TUSC3: variants seen among roughly 807,000 people sequenced by gnomAD.
TUSC3 encodes dolichyl-diphosphooligosaccharide--protein glycosyltransferase subunit TUSC3.
TUSC3 carries 45 observed loss-of-function variants against 44.8 expected under a neutral mutation model. The ratio of observed to expected loss-of-function variants is 1.00; its 90% confidence interval spans 0.79 to 1.29. The LOEUF (loss-of-function observed/expected upper bound fraction) is 1.29. TUSC3 is among the 50% of genes most tolerant of loss of function. The pLI is 0.00. For synonymous variants in TUSC3, 212 were observed against 152.9 expected (o/e 1.39, Z -2.85); for missense variants, 519 against 437.9 (o/e 1.19, Z -1.65).
At position 15,665,003 on chromosome 8, in the gene TUSC3, T is replaced by G. The variant is rs1356493273; in HGVS notation, c.708+2707T>G. ...ATTTTTCGTATCCTACTTTTGAGAT[T>G]TCCTTAGAAAGTTAAGAGACTGTCC... On this transcript the variant is annotated intron_variant, in intron 5 of 10. Coordinates refer to ENST00000503731, the MANE Select transcript of TUSC3 (RefSeq NM_006765.4). 3.3e-5 allele frequency among the ~76,000 whole-genome samples: 5 copies of G among 151,652 alleles called. No individual in the cohort carries two copies. The East Asian group carries it at 9.7e-4, about 29-fold the overall frequency.
chr8:15,475,320 G>A (rs1202435404), intron 1 of TUSC3, among the ~76,000 whole-genome samples: 1 of 152,036 alleles, frequency 6.6e-6, no homozygotes, highest in Non-Finnish European at 1.5e-5. Flanking sequence ...CCTGTCTCAG[G>A]GATAGTGTTA....
At chr8:15,428,267 G>C (rs936614861) in intron 1 of TUSC3, among the ~76,000 whole-genome samples, 22 of 151,640 alleles carry the variant, frequency 1.5e-4, no homozygotes, top group Non-Finnish European at 4.4e-5. Flanking sequence ...ATGGGTTCCA[G>C]CTTCATCGAT....
At chr8:15,650,612 T>G in intron 2 of TUSC3, 85 bp from the exon 3 acceptor site, 1 of 1,161,814 alleles carries the variant, frequency 8.6e-7, no homozygotes. Context: ...GGCCAGTGCT[T>G]GTCCTAGGGT....
the TUSC3 span, among the ~76,000 whole-genome samples, chr8:15,772,764 C>G: frequency 6.6e-6 from 1 of 152,126 alleles, no homozygotes; most frequent in South Asian, 2.1e-4. Context: ...AAAATACTAG[C>G]AAACAATCCA....
chr8:15,597,037 G>T (rs1205346639), intron 1 of TUSC3, among the ~76,000 whole-genome samples: 4 of 152,112 alleles, frequency 2.6e-5, no homozygotes, highest in Non-Finnish European at 5.9e-5. Context: ...GGTCAGTTCA[G>T]CAGAAGTCAG....
intron 2 of TUSC3, among the ~76,000 whole-genome samples, chr8:15,508,909 TAC>T (rs1219181676): frequency 5.3e-5 from 8 of 152,234 alleles, no homozygotes; most frequent in Admixed American, 2.0e-4. Flanking sequence ...TTGGCATTAT[TAC>T]TGTCTCCAGT....
chr8:15,761,879 T>G (rs1415852579), intron 10 of TUSC3, among the ~76,000 whole-genome samples: 1 of 152,122 alleles, frequency 6.6e-6, no homozygotes. Context: ...CATAAGTTTG[T>G]GAGAACTATT....
chr8:15,555,861 A>G (rs1009851189), intron 1 of TUSC3, among the ~76,000 whole-genome samples: 4 of 151,606 alleles, frequency 2.6e-5, no homozygotes, highest in African/African-American at 9.7e-5. Context: ...GGGTCATTTT[A>G]TGAAATATAA....
intron 2 of TUSC3, among the ~76,000 whole-genome samples, chr8:15,503,324 G>A (rs1215568203): frequency 6.6e-6 from 1 of 152,092 alleles, no homozygotes; most frequent in Non-Finnish European, 1.5e-5. Context: ...TAGACTTGTA[G>A]GCTTCAGAAC....
intron 5 of TUSC3, among the ~76,000 whole-genome samples, chr8:15,662,839 G>C (rs1807485246): frequency 1.3e-5 from 2 of 151,938 alleles, no homozygotes; most frequent in South Asian, 4.1e-4. Context: ...GGAATGCACA[G>C]GAGAGAAACC....
intron 2 of TUSC3, among the ~76,000 whole-genome samples, chr8:15,513,211 C>G (rs1179415444): frequency 6.6e-6 from 1 of 151,680 alleles, no homozygotes; most frequent in Non-Finnish European, 1.5e-5. Flanking sequence ...GGCTAACCAA[C>G]TTGGTAGCTA....
chr8:15,791,695 G>A, the TUSC3 span, among the ~76,000 whole-genome samples: 1 of 152,074 alleles, frequency 6.6e-6, no homozygotes, highest in Non-Finnish European at 1.5e-5. Flanking sequence ...AATAATTGAA[G>A]GTGAGAAATT....
rs78490182 is a variant in TUSC3, at chr8:15,669,688, C to G, written c.709-4059C>G. On this transcript the variant is annotated intron_variant, in intron 5 of 10. Transcript: ENST00000503731. Reference sequence around the variant, plus strand: ...GTTTATGTGGGAATAAGAGAAAAAACAAAATAGAAGGGAATTTCCTTAATC... The same window carrying G: ...GTTTATGTGGGAATAAGAGAAAAAAGAAAATAGAAGGGAATTTCCTTAATC... Among the ~76,000 whole-genome samples the G allele has an allele frequency of 4.4e-4, 67 of 151,614 alleles. No homozygotes were observed. In the East Asian group the frequency reaches 0.011, roughly 25 times the overall value.
intron 1 of TUSC3, among the ~76,000 whole-genome samples, chr8:15,418,175 A>G (rs1799684007): frequency 6.6e-6 from 1 of 152,224 alleles, no homozygotes; most frequent in Non-Finnish European, 1.5e-5. Context: ...TATGTAATTC[A>G]TCATTAAATG....
chr8:15,626,267 A>G (rs139970093), intron 2 of TUSC3, among the ~76,000 whole-genome samples: 1,556 of 152,280 alleles, frequency 0.01, 8 homozygotes, highest in Non-Finnish European at 0.017. Flanking sequence ...GAGAAGCCAG[A>G]CAGTCCCTGA....
At chr8:15,577,424 T>C (rs546920173) in intron 1 of TUSC3, among the ~76,000 whole-genome samples, 44 of 151,972 alleles carry the variant, frequency 2.9e-4, no homozygotes, top group African/African-American at 1.1e-3. Flanking sequence ...CTAGGTTTTC[T>C]TCTAGGGTTT....
At chr8:15,442,561 G>C (rs868782945) in intron 1 of TUSC3, among the ~76,000 whole-genome samples, 1 of 152,030 alleles carries the variant, frequency 6.6e-6, no homozygotes. Context: ...TGGTACAGGA[G>C]GAACATGCAC....
chr8:15,584,277 G>A (rs114697070), intron 1 of TUSC3, among the ~76,000 whole-genome samples: 2,857 of 152,256 alleles, frequency 0.019, 70 homozygotes, highest in African/African-American at 0.063. Context: ...TAAAGGCAGG[G>A]TGATCCAGAA....
chr8:15,437,855 C>G lies in TUSC3; in HGVS notation n.91+20550C>G, dbSNP rs116132853. On this transcript the variant is annotated intron_variant and non_coding_transcript_variant, in intron 1 of 5. Coordinates refer to the TUSC3 transcript ENST00000503191. Reference sequence around the variant, plus strand: ...CACTGAGATACTCATCTATTAAATTCACCTCTGCTCGTGTATAAAATGAAT... The same window carrying G: ...CACTGAGATACTCATCTATTAAATTGACCTCTGCTCGTGTATAAAATGAAT... Among the ~76,000 whole-genome samples the G allele has an allele frequency of 4.5e-3, 682 of 152,276 alleles. 6 individuals carry two copies. The highest frequency in any genetic ancestry group is 0.016 in the African/African-American group (652 of 41,552).
Sources: allele counts gnomAD v4.1 joint callset (sites outside exome capture counted in the v4.1 genomes callset), GRCh38; gene constraint gnomAD v4.1.1; transcripts MANE v1.5; gene names NCBI Gene and HGNC (gene_info 2026-07-23, HGNC 2026-07-21).